RFX1: variants seen among roughly 807,000 people sequenced by gnomAD.
RFX1 encodes MHC class II regulatory factor RFX1.
In RFX1, 42 loss-of-function variants were observed where a neutral mutation model predicts 119.6. The ratio of observed to expected loss-of-function variants is 0.35; its 90% CI spans 0.27 to 0.45. The LOEUF (loss-of-function observed/expected upper bound fraction) is 0.45, where lower values mean the gene tolerates loss of function less well. RFX1 is among the 20% of genes least tolerant of loss of function. RFX1 has a pLI of 1.00. For missense variants in RFX1, 1,118 were observed against 1,368.1 expected, an observed-to-expected ratio of 0.82 and a Z score of 2.88; for synonymous variants, 628 against 618.5, an observed-to-expected ratio of 1.02 and a Z score of -0.23.
At chr19:13,993,096 C>G (rs1355244278) in intron 2 of RFX1, among the ~76,000 whole-genome samples, 1 of 152,050 alleles carries the variant, frequency 6.6e-6, no homozygotes, top group East Asian at 1.9e-4. Context: ...GAGTTTGAGA[C>G]CTGCCTGAGC....
chr19:13,984,970 C>G (rs1490531869), intron 2 of RFX1, among the ~76,000 whole-genome samples: 1 of 151,810 alleles, frequency 6.6e-6, no homozygotes, highest in Non-Finnish European at 1.5e-5. Flanking sequence ...AAGCAATTAT[C>G]CTGCCTCAGC....
At position 13,968,644 on chromosome 19, in the gene RFX1, G is replaced by A. The variant is rs779647111; in HGVS notation, c.1653C>T (p.Asn551=). Reference sequence around the variant, plus strand: ...TCGGCTGCTGCCCCACCGCCACGCCGTTGGTCATGCCTTCCATCTTCTGGA... The same window carrying A: ...TCGGCTGCTGCCCCACCGCCACGCCATTGGTCATGCCTTCCATCTTCTGGA... ...KPIQKMEGMT[N]GVAVGQQPST... Residue 551 remains asparagine (N), a synonymous_variant, in exon 12 of 21, where the codon AAC becomes AAT. Coordinates refer to ENST00000254325, the MANE Select transcript of RFX1 (RefSeq NM_002918.5). The surrounding 1 kb of genome is among the most constrained non-coding windows in gnomAD (Gnocchi z 5.5). 4.4e-5 allele frequency: 71 copies of A among 1,613,194 alleles called. No individual in the cohort carries two copies. Among genetic ancestry groups the A allele is most frequent in the Non-Finnish European group, 3.1e-5 (37 of 1,179,958 alleles).
chr19:13,991,754 G>A lies in RFX1; in HGVS notation c.319+1771C>T, dbSNP rs188539565. 2.8e-3 allele frequency among the ~76,000 whole-genome samples: 429 copies of A among 151,062 alleles called. 1 individual carries two copies. Among genetic ancestry groups the A allele is most frequent in the South Asian group, 4.4e-3 (21 of 4,826 alleles). On this transcript the variant is annotated intron_variant, in intron 2 of 20. Transcript: ENST00000254325. ...TCAGCTCACTGCAACCTCTGCCTCC[G>A]GGTTCAAGTGATTTTTCCTGCCTCA...
intron 9 of RFX1, among the ~76,000 whole-genome samples, chr19:13,972,328 G>T (rs1568463109): frequency 6.6e-6 from 1 of 151,882 alleles, no homozygotes; most frequent in Non-Finnish European, 1.5e-5. Flanking sequence ...TGAGTAGCTG[G>T]GATTACAGGT....
chr19:13,982,088 G>C, intron 5 of RFX1, 33 bp downstream of exon 5: 2 of 1,140,226 alleles, frequency 1.8e-6, no homozygotes, highest in Non-Finnish European at 2.3e-6. Flanking sequence ...GGAGACAGCA[G>C]GGGGGAGGGC....
intron 8 of RFX1, among the ~76,000 whole-genome samples, chr19:13,976,833 A>G (rs980295014): frequency 4.0e-5 from 6 of 151,786 alleles, no homozygotes; most frequent in Non-Finnish European, 7.4e-5. Flanking sequence ...GCAAAACCCC[A>G]TCTCTACAAA....
chr19:14,006,337 G>C (rs1975381154), upstream of RFX1: 1 of 152,010 alleles, frequency 6.6e-6, no homozygotes, highest in South Asian at 2.1e-4. Context: ...ACCCACCCTA[G>C]TTACGTCACG....
intron 20 of RFX1, 32 bp from the exon 21 acceptor site, chr19:13,962,896 C>A (rs892085739): frequency 1.8e-5 from 28 of 1,536,872 alleles, no homozygotes; most frequent in Non-Finnish European, 2.5e-5. Context: ...CGGCTCGGGG[C>A]GGGGTGGCAA....
intron 1 of RFX1, among the ~76,000 whole-genome samples, chr19:13,999,540 A>G (rs1461691761): frequency 6.6e-6 from 1 of 152,236 alleles, no homozygotes; most frequent in East Asian, 1.9e-4. Flanking sequence ...TTTGAACTTC[A>G]TGTAATTTTC....
At chr19:13,983,343 G>A (rs895655235) in intron 3 of RFX1, 73 bp from the exon 4 acceptor site, 16 of 1,345,744 alleles carry the variant, frequency 1.2e-5, no homozygotes, top group South Asian at 2.7e-5. Context: ...GGTGGCGGGC[G>A]GCTGCTGTGC....
rs1568481457 is a variant in RFX1, at chr19:13,994,924, AT to A, written c.-52-1030del. Among the ~76,000 whole-genome samples, 40 of 107,822 alleles carry A rather than the reference AT, an allele frequency of 3.7e-4. 1 individual carries two copies. Among genetic ancestry groups the A allele is most frequent in the African/African-American group, 1.4e-3 (40 of 28,498 alleles). The allele number at this position is 107,822 out of a possible 152,430, so 70.7% of individuals were successfully genotyped here. A position where few individuals can be genotyped will look rare whatever the true frequency, so the allele number is the denominator to read the frequency against. ...TATATATATATATATATATATATAT[AT>A]ATATATATATATAATCATTTTTTTC... On this transcript the variant is annotated intron_variant, in intron 1 of 20. Transcript: ENST00000254325.
intron 1 of RFX1, among the ~76,000 whole-genome samples, chr19:13,994,154 T>C (rs1036494187): frequency 1.3e-5 from 2 of 152,008 alleles, no homozygotes; most frequent in African/African-American, 2.4e-5. Flanking sequence ...GACTCCTGCC[T>C]TCCCAGTCCC....
At position 13,983,285 on chromosome 19, in the gene RFX1, C is replaced by A. The variant is rs1307439249; in HGVS notation, c.430-15G>T. The A allele has an allele frequency of 1.3e-6, 2 of 1,540,688 alleles. No homozygotes were observed. Among genetic ancestry groups the A allele is most frequent in the East Asian group, 4.8e-5 (2 of 41,466 alleles). Reference sequence around the variant, plus strand: ...ACCAGCAGCCGCTGTGGAGACAAGGCAGGAGGAGCTGAGCTGCCACTTCCC... The same window carrying A: ...ACCAGCAGCCGCTGTGGAGACAAGGAAGGAGGAGCTGAGCTGCCACTTCCC... On this transcript the variant is annotated splice_polypyrimidine_tract_variant and intron_variant, in intron 3 of 20. Coordinates refer to ENST00000254325, the MANE Select transcript of RFX1 (RefSeq NM_002918.5).
Position 13,963,845 on chromosome 19 carries a change from G to GCCCCC in RFX1, c.2361+12_2361+13insGGGGG. The GCCCCC allele has an allele frequency of 1.3e-6, 1 of 746,064 alleles. No individual in the cohort carries two copies. 46.2% of individuals were successfully genotyped at this position (746,064 alleles called of 1,614,324 possible). ...GCCCCTCATTCGCCCGCCCCGCCCC[G>GCCCCC]CCCCGCGCTCACCTGCACGTTGGCG... On this transcript the variant is annotated intron_variant, in intron 17 of 20. Transcript: ENST00000254325.
At chr19:13,989,287 T>A (rs1974719100) in intron 2 of RFX1, among the ~76,000 whole-genome samples, 1 of 152,092 alleles carries the variant, frequency 6.6e-6, no homozygotes, top group Admixed American at 6.5e-5. Context: ...TGGGCGAGGC[T>A]GGGAGGCTGG....
intron 7 of RFX1, 102 bp downstream of exon 7, chr19:13,979,345 C>T: frequency 1.4e-6 from 1 of 737,902 alleles, no homozygotes; most frequent in Middle Eastern, 4.3e-4. Context: ...GTCTGCAGCT[C>T]ACAGAGGCAT....
At chr19:13,967,869 G>A (rs1310633558) in intron 12 of RFX1, among the ~76,000 whole-genome samples, 1 of 152,186 alleles carries the variant, frequency 6.6e-6, no homozygotes, top group Non-Finnish European at 1.5e-5. Context: ...TGGCTGGATG[G>A]GAAAGCGAGT....
chr19:13,987,213 G>A (rs1376814525), intron 2 of RFX1, among the ~76,000 whole-genome samples: 2 of 152,124 alleles, frequency 1.3e-5, no homozygotes, highest in East Asian at 3.9e-4. Flanking sequence ...AGAGCCCACA[G>A]CACTCTCCTT....
rs1042596454 is a variant in RFX1 at position 13,965,549 on chromosome 19, G to A, written c.2114-3C>T. On this transcript the variant is annotated splice_region_variant and splice_polypyrimidine_tract_variant and intron_variant, in intron 15 of 20. Coordinates refer to ENST00000254325, the MANE Select transcript of RFX1 (RefSeq NM_002918.5). This position sits in a 1 kb window ranked among gnomAD's most constrained non-coding sequence, Gnocchi z 4.7. ...CCGGATCGCTTGGGTCAAGGCACCTGTGGGCGGTGGCGGGGGTCGGTCAGG... is the reference window on the plus strand; with the variant it reads ...CCGGATCGCTTGGGTCAAGGCACCTATGGGCGGTGGCGGGGGTCGGTCAGG... 3 of 1,613,596 alleles carry A rather than the reference G, an allele frequency of 1.9e-6. No individual in the cohort carries two copies. The highest frequency in any genetic ancestry group is 2.5e-6 in the Non-Finnish European group (3 of 1,179,956).
Sources: allele counts gnomAD v4.1 joint callset (sites outside exome capture counted in the v4.1 genomes callset), GRCh38; gene constraint gnomAD v4.1.1; non-coding constraint Gnocchi (gnomAD v3.1); transcripts MANE v1.5; gene names NCBI Gene and HGNC (gene_info 2026-07-23, HGNC 2026-07-21).